NECAB1: variants seen among roughly 807,000 people sequenced by gnomAD.
The protein encoded by NECAB1 is N-terminal EF-hand calcium-binding protein 1.
Under a neutral mutation model 57.5 loss-of-function variants are expected in NECAB1, and 29 were observed. The observed-to-expected ratio is 0.50, with a 90% CI of 0.38 to 0.69. The LOEUF (loss-of-function observed/expected upper bound fraction) is 0.69. Among genes scored for constraint, NECAB1 ranks in the 30% least tolerant of loss-of-function variants. The probability of loss-of-function intolerance (pLI) is 0.00; values close to 1 mark genes in which losing one functional copy is unlikely to be tolerated. For missense variants in NECAB1, 372 were observed against 413.8 expected, an observed-to-expected ratio of 0.90 and a Z score of 0.88; for synonymous variants, 142 against 147.7, an observed-to-expected ratio of 0.96 and a Z score of 0.28.
At chr8:90,825,080 C>A in intron 3 of NECAB1, 1 of 245,048 alleles carries the variant, frequency 4.1e-6, no homozygotes. Flanking sequence ...GAATGTAAAA[C>A]AAAGTATAAA....
chr8:90,902,640 T>C (rs747214815), intron 5 of NECAB1, among the ~76,000 whole-genome samples: 1 of 152,106 alleles, frequency 6.6e-6, no homozygotes, highest in Non-Finnish European at 1.5e-5. Flanking sequence ...ATAAATTAAA[T>C]TGACAATAAA....
rs185058735 is a variant in NECAB1 at position 90,828,632 on chromosome 8, T to C, written c.233+3807T>C. Reference sequence around the variant, plus strand: ...ACCCTGAGTAAAAGTAAGAGAAATTTGAAGGCATGGGAAACCCAGCTTTCC... The same window carrying C: ...ACCCTGAGTAAAAGTAAGAGAAATTCGAAGGCATGGGAAACCCAGCTTTCC... On this transcript the variant is annotated intron_variant, in intron 3 of 12. Transcript: ENST00000417640. Among the ~76,000 whole-genome samples the C allele has an allele frequency of 1.3e-4, 20 of 152,166 alleles. No individual in the cohort carries two copies. The East Asian group carries it at 3.7e-3, about 28-fold the overall frequency.
intron 5 of NECAB1, among the ~76,000 whole-genome samples, chr8:90,904,125 T>C (rs1242629874): frequency 6.6e-6 from 1 of 152,116 alleles, no homozygotes; most frequent in Non-Finnish European, 1.5e-5. Context: ...GGGGAAAGCC[T>C]CAAGCCAAGA....
intron 5 of NECAB1, among the ~76,000 whole-genome samples, chr8:90,909,609 G>A (rs932383778): frequency 2.6e-5 from 4 of 152,020 alleles, no homozygotes; most frequent in Admixed American, 2.0e-4. Context: ...CTTAAAATAT[G>A]TTACTACGTT....
intron 3 of NECAB1, among the ~76,000 whole-genome samples, chr8:90,848,759 C>T (rs1435711286): frequency 2.0e-5 from 3 of 151,776 alleles, no homozygotes; most frequent in East Asian, 2.0e-4. Context: ...CTGAGGTGGG[C>T]GGATCACTTG....
chr8:90,863,281 A>G (rs3890611), intron 3 of NECAB1, among the ~76,000 whole-genome samples: 70,207 of 151,924 alleles, frequency 0.46, 19,712 homozygotes, highest in East Asian at 0.77. Context: ...TCGGTTTTAG[A>G]ATACTAGTAG....
At chr8:90,864,332 C>CAGG (rs1554569391) in intron 3 of NECAB1, among the ~76,000 whole-genome samples, 1 of 119,844 alleles carries the variant, frequency 8.3e-6, no homozygotes, top group African/African-American at 3.2e-5. Flanking sequence ...AGGAAGGAAA[C>CAGG]AAGGAAGAGA....
chr8:90,816,883 C>T (rs891043212), intron 2 of NECAB1, among the ~76,000 whole-genome samples: 1 of 151,594 alleles, frequency 6.6e-6, no homozygotes, highest in Non-Finnish European at 1.5e-5. Flanking sequence ...AACATTGAAT[C>T]AATAGATTAA....
intron 2 of NECAB1, among the ~76,000 whole-genome samples, chr8:90,822,776 C>T (rs1014141177): frequency 1.3e-5 from 2 of 151,784 alleles, no homozygotes; most frequent in African/African-American, 4.8e-5. Flanking sequence ...AAACATATTC[C>T]ATCATCAATG....
chr8:90,856,787 C>T (rs781266440), intron 3 of NECAB1, among the ~76,000 whole-genome samples: 15 of 152,194 alleles, frequency 9.9e-5, no homozygotes, highest in Non-Finnish European at 2.2e-4. Flanking sequence ...TGACAAAGTG[C>T]AGCACTTGCT....
chr8:90,906,994 T>C lies in NECAB1; in HGVS notation c.358-10498T>C, dbSNP rs536934385. ...TCGACCTCCTGGACTCAAGCGATCA[T>C]CCCATCTCAGCCTCCTGAGTAGCTG... On this transcript the variant is annotated intron_variant, in intron 5 of 12. Coordinates refer to ENST00000417640, the MANE Select transcript of NECAB1 (RefSeq NM_022351.5). Among the ~76,000 whole-genome samples, 3 of 149,514 alleles carry C rather than the reference T, an allele frequency of 2.0e-5. No homozygotes were observed. In the South Asian group the frequency reaches 6.4e-4, roughly 32 times the overall value.
In NECAB1 at chr8:90,938,382, A is replaced by G. The variant is rs147931453; in HGVS notation, c.748-2404A>G. On this transcript the variant is annotated intron_variant, in intron 9 of 12. Coordinates refer to ENST00000417640, the MANE Select transcript of NECAB1 (RefSeq NM_022351.5). ...CATGACAGAGTGCTCTGAGCTAACT[A>G]TATCTTGGGATCCCACATTTTAGTA... Among the ~76,000 whole-genome samples the G allele has an allele frequency of 4.5e-3, 679 of 152,338 alleles. 4 individuals carry two copies. Among genetic ancestry groups the G allele is most frequent in the Middle Eastern group, 0.01 (3 of 294 alleles).
chr8:90,934,493 GTT>G, intron 9 of NECAB1, 136 bp downstream of exon 9: 1 of 624,132 alleles, frequency 1.6e-6, no homozygotes, highest in South Asian at 2.8e-5. Context: ...ATTCAGTAGT[GTT>G]GTTTCTACAT....
chr8:90,875,760 C>A (rs896650250), intron 4 of NECAB1, among the ~76,000 whole-genome samples: 40 of 151,246 alleles, frequency 2.6e-4, no homozygotes, highest in Non-Finnish European at 1.5e-5. Flanking sequence ...CGCCTGTAAT[C>A]CCAGCACTTT....
At chr8:90,798,915 A>G (rs1237771633) in intron 1 of NECAB1, among the ~76,000 whole-genome samples, 1 of 152,064 alleles carries the variant, frequency 6.6e-6, no homozygotes, top group African/African-American at 2.4e-5. Flanking sequence ...ATCCCCACCA[A>G]CTGTATATAG....
chr8:90,953,525 A>C (rs941791003), intron 12 of NECAB1, among the ~76,000 whole-genome samples: 21 of 152,208 alleles, frequency 1.4e-4, no homozygotes, highest in Admixed American at 5.9e-4. Context: ...TGATTACTGG[A>C]ATTTCGTAGA....
chr8:90,811,255 T>C (rs1216849536), intron 2 of NECAB1, among the ~76,000 whole-genome samples: 1 of 152,030 alleles, frequency 6.6e-6, no homozygotes, highest in Non-Finnish European at 1.5e-5. Flanking sequence ...CTGGCGAAAA[T>C]TGATTAATTT....
intron 4 of NECAB1, among the ~76,000 whole-genome samples, chr8:90,877,744 G>C (rs1244868274): frequency 6.6e-6 from 1 of 152,206 alleles, no homozygotes; most frequent in African/African-American, 2.4e-5. Context: ...GAGGATCAAA[G>C]AGCATCTGGC....
intron 4 of NECAB1, among the ~76,000 whole-genome samples, chr8:90,878,982 C>G (rs1808780521): frequency 7.0e-6 from 1 of 142,740 alleles, no homozygotes; most frequent in South Asian, 2.2e-4. Context: ...CTCTCTCTCT[C>G]TACATATATT....
Sources: gnomAD v4.1 joint callset for allele counts (sites outside exome capture counted in the v4.1 genomes callset) on GRCh38, gnomAD v4.1.1 for gene constraint, MANE v1.5 for transcripts, NCBI Gene and HGNC (gene_info 2026-07-23, HGNC 2026-07-21) for gene names.